The following TRDMT1 variants were observed in gnomAD, a reference collection of about 807,000 sequenced individuals.
TRDMT1 encodes the protein tRNA aspartic acid methyltransferase 1.
TRDMT1 carries 49 observed loss-of-function variants against 51.2 expected under a neutral mutation model. The ratio of observed to expected loss-of-function variants is 0.96; its 90% CI spans 0.76 to 1.21. The LOEUF is 1.21. Ranked by LOEUF, TRDMT1 falls within the 50% of genes most tolerant of loss-of-function variation. The pLI, the probability that TRDMT1 is intolerant of heterozygous loss-of-function variation, is 0.00. For synonymous variants in TRDMT1, 187 were observed against 164.6 expected, an observed-to-expected ratio of 1.14 and a Z score of -1.04; for missense variants, 534 against 462.3, an observed-to-expected ratio of 1.16 and a Z score of -1.42.
chr10:17,162,324 G>T, intron 3 of TRDMT1, 87 bp from the exon 4 acceptor site: 1 of 1,250,880 alleles, frequency 8.0e-7, no homozygotes, highest in Non-Finnish European at 1.1e-6. Flanking sequence ...CACTTTTTAA[G>T]TCAAAAGGAG....
chr10:17,149,595 A>G (rs1723500054), intron 10 of TRDMT1, among the ~76,000 whole-genome samples: 1 of 152,114 alleles, frequency 6.6e-6, no homozygotes, highest in African/African-American at 2.4e-5. Context: ...CTAATTCCAG[A>G]ATATTTTCAT....
intron 5 of TRDMT1, among the ~76,000 whole-genome samples, chr10:17,161,146 T>C (rs1840298304): frequency 6.6e-6 from 1 of 152,170 alleles, no homozygotes; most frequent in Admixed American, 6.6e-5. Context: ...AAAATACTTG[T>C]CAACAGGACC....
chr10:17,173,067 G>C (rs534345196), intron 2 of TRDMT1, among the ~76,000 whole-genome samples: 1 of 152,080 alleles, frequency 6.6e-6, no homozygotes, highest in Admixed American at 6.6e-5. Flanking sequence ...AAAGACATTA[G>C]TGAAGAATAA....
chr10:17,183,124 T>C (rs1448566206), intron 1 of TRDMT1, among the ~76,000 whole-genome samples: 2 of 152,224 alleles, frequency 1.3e-5, no homozygotes, highest in African/African-American at 4.8e-5. Context: ...GAGTGTATCA[T>C]TACATACATG....
Position 17,157,678 on chromosome 10 carries a change from T to C in TRDMT1, c.650A>G (p.Asp217Gly). ...TTTTCCAGAACACTGTATGCTGCCA[T>C]CAAAGCTAATATTTGGTTCAACGTT... ...EKNVEPNISF[D>G]GSIQCSGKDA... is the part of the protein sequence containing the mutation. Residue 217 changes from aspartate to glycine, a missense_variant, in exon 8 of 11, where the codon GAT becomes GGT. By Grantham distance (94) the Asp-to-Gly change is moderately conservative. Coordinates refer to ENST00000377799, the MANE Select transcript of TRDMT1 (RefSeq NM_004412.7). 6.2e-7 allele frequency: 1 copy of C among 1,613,276 alleles called. No homozygotes were observed. The highest frequency in any genetic ancestry group is 8.5e-7 in the Non-Finnish European group (1 of 1,179,570).
rs761327884 is a variant in TRDMT1, at chr10:17,157,729, T to A, written c.599A>T (p.Asp200Val). ...CTTTTCTTGAATTTTATTTTCTACATCCATTGCATATTTTTGTGGATGTAC... is the reference window on the plus strand; with the variant it reads ...CTTTTCTTGAATTTTATTTTCTACAACCATTGCATATTTTTGTGGATGTAC... ...ESVHPQKYAM[D>V]VENKIQEKNV... Residue 200 changes from aspartate to valine, a missense_variant, in exon 8 of 11, where the codon GAT becomes GTT. Transcript: ENST00000377799. 6.2e-7 allele frequency: 1 copy of A among 1,610,916 alleles called. No individual in the cohort carries two copies. The highest frequency in any genetic ancestry group is 8.5e-7 in the Non-Finnish European group (1 of 1,179,228).
chr10:17,186,247 T>G (rs1307603585), intron 1 of TRDMT1, among the ~76,000 whole-genome samples: 6 of 152,118 alleles, frequency 3.9e-5, no homozygotes, highest in Non-Finnish European at 1.5e-5. Flanking sequence ...CCCAAAGATA[T>G]CCACATCTTA....
Position 17,139,992 on chromosome 10 carries a change from T to C in TRDMT1, c.*9048A>G, listed in dbSNP as rs1390139978. ...GACATAAACAATACCCTAGGAGTTA[T>C]ACACAATTTTGGCATTAAATATTCT... On this transcript the variant is annotated 3_prime_UTR_variant, in exon 11 of 11. Coordinates refer to ENST00000377799, the MANE Select transcript of TRDMT1 (RefSeq NM_004412.7). 6.9e-6 allele frequency among the ~76,000 whole-genome samples: 1 copy of C among 145,720 alleles called. No individual in the cohort carries two copies. The highest frequency in any genetic ancestry group is 1.5e-5 in the Non-Finnish European group (1 of 66,570).
chr10:17,165,179 T>A (rs1022629994), intron 3 of TRDMT1, among the ~76,000 whole-genome samples: 1 of 152,006 alleles, frequency 6.6e-6, no homozygotes, highest in Non-Finnish European at 1.5e-5. Flanking sequence ...GAGATATAGA[T>A]CAATGGAACA....
intron 8 of TRDMT1, among the ~76,000 whole-genome samples, chr10:17,155,676 C>A (rs555400499): frequency 1.3e-5 from 2 of 152,138 alleles, no homozygotes; most frequent in Admixed American, 1.3e-4. Flanking sequence ...AAGATTATTG[C>A]CAAGCTGGCT....
rs1294489086 is a variant in TRDMT1, at chr10:17,137,650, A to T, written c.*11390T>A. ...AATTTGAGACCAGCCAAAATGGTGA[A>T]ACCCTGTCTCTACTAAAAATACAAA... On this transcript the variant is annotated 3_prime_UTR_variant, in exon 11 of 11. Transcript: ENST00000377799. 3.3e-5 allele frequency: 5 copies of T among 152,142 alleles called. No homozygotes were observed. Among genetic ancestry groups the T allele is most frequent in the African/African-American group, 1.2e-4 (5 of 41,392 alleles). 9.4% of individuals were successfully genotyped at this position (152,142 alleles called of 1,614,324 possible).
At position 17,192,743 on chromosome 10, in the gene TRDMT1, T is replaced by C. The variant is rs559335398; in HGVS notation, c.64+8828A>G. ...GTCTTGAGAAGGTCTCAAGGAAAGATGTTGTGTGGAGAGTTTCTAAACGTA... is the reference window on the plus strand; with the variant it reads ...GTCTTGAGAAGGTCTCAAGGAAAGACGTTGTGTGGAGAGTTTCTAAACGTA... On this transcript the variant is annotated intron_variant, in intron 1 of 10. Transcript: ENST00000377799. Among the ~76,000 whole-genome samples the C allele has an allele frequency of 3.1e-3, 466 of 152,276 alleles. 1 individual carries two copies. The highest frequency in any genetic ancestry group is 9.7e-3 in the African/African-American group (405 of 41,548).
intron 10 of TRDMT1, chr10:17,153,047 G>GT (rs1474697740): frequency 4.1e-5 from 7 of 170,158 alleles, no homozygotes; most frequent in Non-Finnish European, 7.5e-5. Flanking sequence ...TGACACAGGT[G>GT]TATCTCTGAG....
intron 1 of TRDMT1, among the ~76,000 whole-genome samples, chr10:17,176,788 A>C (rs1231411980): frequency 1.3e-5 from 2 of 152,212 alleles, no homozygotes; most frequent in African/African-American, 2.4e-5. Flanking sequence ...TTGAATTCCA[A>C]AGACTAGTTG....
rs146721811 is a variant in TRDMT1, at chr10:17,141,238, C to T, written c.*7802G>A. ...AGTGCAGTGGCACGATCTCAGCTCA[C>T]TGCAGTCTCCGCTCCTGGGTTCAAG... On this transcript the variant is annotated 3_prime_UTR_variant, in exon 11 of 11. Transcript: ENST00000377799. 2.2e-3 allele frequency among the ~76,000 whole-genome samples: 341 copies of T among 152,356 alleles called. 1 individual carries two copies. Among genetic ancestry groups the T allele is most frequent in the African/African-American group, 7.9e-3 (327 of 41,566 alleles).
At position 17,153,611 on chromosome 10, in the gene TRDMT1, G is replaced by T; in HGVS notation, c.971C>A (p.Thr324Asn). 1.2e-6 allele frequency: 2 copies of T among 1,600,496 alleles called. No individual in the cohort carries two copies. Among genetic ancestry groups the T allele is most frequent in the East Asian group, 2.2e-5 (1 of 44,726 alleles). Residue 324 changes from threonine to asparagine, a missense_variant, in exon 10 of 11, where the codon ACC becomes AAC. Transcript: ENST00000377799. ...VQVENIYKSL[T>N]NLSQEEQITK... ...TATCTGTTCTTCTTGTGACAAATTG[G>T]TAAGGGATTTGTAGATATTCTCAAC...
chr10:17,161,107 A>T (rs725356), intron 5 of TRDMT1, among the ~76,000 whole-genome samples: 1 of 152,134 alleles, frequency 6.6e-6, no homozygotes, highest in Non-Finnish European at 1.5e-5. Context: ...CCGACACAGG[A>T]ATTCTTCCTG....
In TRDMT1 at chr10:17,148,737, T is replaced by A. The variant is rs1838328894; in HGVS notation, c.*303A>T. The A allele has an allele frequency of 2.0e-6, 2 of 1,018,724 alleles. No individual in the cohort carries two copies. Among genetic ancestry groups the A allele is most frequent in the Admixed American group, 5.5e-5 (1 of 18,122 alleles). 63.1% of individuals were successfully genotyped at this position (1,018,724 alleles called of 1,614,324 possible). ...AAGATACTCATGTAGACACTAAAGC[T>A]CTAGTGCTCCTTGATTTGTTTATAA... On this transcript the variant is annotated 3_prime_UTR_variant, in exon 11 of 11. Transcript: ENST00000377799.
At chr10:17,166,286 C>A (rs1382985794) in intron 3 of TRDMT1, among the ~76,000 whole-genome samples, 1 of 148,686 alleles carries the variant, frequency 6.7e-6, no homozygotes, top group Non-Finnish European at 1.5e-5. Context: ...AACCAAACAC[C>A]GCAAGTTCTC....
Sources: allele counts gnomAD v4.1 joint callset (sites outside exome capture counted in the v4.1 genomes callset), GRCh38; gene constraint gnomAD v4.1.1; transcripts MANE v1.5; gene names NCBI Gene and HGNC (gene_info 2026-07-23, HGNC 2026-07-21).